Variants in STK38 observed in about 807,000 individuals in gnomAD.
The protein encoded by STK38 is serine/threonine-protein kinase 38.
STK38 carries 26 observed loss-of-function variants against 59.0 expected under a neutral mutation model. The ratio of observed to expected loss-of-function variants is 0.44; its 90% CI spans 0.32 to 0.61. The LOEUF is 0.61. Ranked by LOEUF, STK38 falls within the 20% of genes least tolerant of loss-of-function variation. STK38 has a pLI of 0.04. For synonymous variants in STK38, 175 were observed against 176.6 expected (o/e 0.99, Z 0.07); for missense variants, 433 against 566.0 (o/e 0.76, Z 2.38).
At position 36,523,265 on chromosome 6, in the gene STK38, GT is replaced by G. The variant is rs1214353764; in HGVS notation, c.306+1075del. Among the ~76,000 whole-genome samples the G allele has an allele frequency of 2.4e-3, 273 of 113,634 alleles. 3 individuals carry two copies. Among genetic ancestry groups the G allele is most frequent in the Admixed American group, 1.6e-3 (19 of 11,564 alleles). 74.5% of individuals were successfully genotyped at this position (113,634 alleles called of 152,430 possible). The stretch of plus-strand genomic sequence containing the variant: ...ATTTCCCCGGGGTACCAGGTTTTTT[GT>G]TTTTTTTTTTTTTTGAGATGGAGTC... On this transcript the variant is annotated intron_variant, in intron 4 of 13. Coordinates refer to ENST00000229812, the MANE Select transcript of STK38 (RefSeq NM_007271.4).
intron 6 of STK38, among the ~76,000 whole-genome samples, chr6:36,516,232 C>T (rs1777248328): frequency 6.6e-6 from 1 of 152,124 alleles, no homozygotes; most frequent in Non-Finnish European, 1.5e-5. Context: ...TAAAAGGTAA[C>T]CTCGTTAGTT....
At chr6:36,508,476 G>C (rs547629538) in intron 7 of STK38, among the ~76,000 whole-genome samples, 3 of 152,296 alleles carry the variant, frequency 2.0e-5, no homozygotes, top group African/African-American at 7.2e-5. Context: ...TGTTCATATA[G>C]CTTTTCCTCC....
At chr6:36,538,488 C>T (rs1777851193) in intron 2 of STK38, among the ~76,000 whole-genome samples, 1 of 152,092 alleles carries the variant, frequency 6.6e-6, no homozygotes, top group African/African-American at 2.4e-5. Context: ...TTGTGCATTC[C>T]ATTGTATATA....
intron 2 of STK38, among the ~76,000 whole-genome samples, chr6:36,528,317 T>C (rs765086731): frequency 2.0e-5 from 3 of 152,174 alleles, no homozygotes; most frequent in Admixed American, 6.5e-5. Context: ...TCTGATGGAC[T>C]GGCAGGGAAA....
chr6:36,513,673 C>A (rs369802226), intron 7 of STK38, among the ~76,000 whole-genome samples: 113 of 151,702 alleles, frequency 7.4e-4, no homozygotes, highest in Middle Eastern at 6.8e-3. Context: ...CACTCTCTAG[C>A]CTTTGATGTC....
intron 1 of STK38, among the ~76,000 whole-genome samples, chr6:36,541,892 A>C (rs1364972933): frequency 1.3e-5 from 2 of 150,068 alleles, no homozygotes; most frequent in African/African-American, 2.5e-5. Context: ...ACAATGATTC[A>C]ATCTCAGCTC....
intron 2 of STK38, among the ~76,000 whole-genome samples, chr6:36,531,238 T>C (rs558945951): frequency 7.8e-4 from 119 of 152,170 alleles, no homozygotes; most frequent in Non-Finnish European, 1.5e-3. Flanking sequence ...CTAAGAGGAG[T>C]TGCAGAACAT....
intron 9 of STK38, among the ~76,000 whole-genome samples, chr6:36,503,209 G>A (rs1235574968): frequency 6.6e-6 from 1 of 151,864 alleles, no homozygotes; most frequent in Admixed American, 6.6e-5. Flanking sequence ...ATTTCTTTAC[G>A]TCTTTTGATA....
intron 12 of STK38, 55 bp from the exon 13 acceptor site, chr6:36,496,860 C>T: frequency 7.7e-7 from 1 of 1,297,454 alleles, no homozygotes. Context: ...ATGGATCATA[C>T]CAATCAAGTC....
At chr6:36,533,313 T>G (rs1777714345) in intron 2 of STK38, among the ~76,000 whole-genome samples, 1 of 152,106 alleles carries the variant, frequency 6.6e-6, no homozygotes, top group African/African-American at 2.4e-5. Flanking sequence ...ACACGTGGCT[T>G]ACTGTTCTTT....
At chr6:36,513,254 G>A (rs973198733) in intron 7 of STK38, among the ~76,000 whole-genome samples, 11 of 151,282 alleles carry the variant, frequency 7.3e-5, no homozygotes, top group Admixed American at 5.9e-4. Flanking sequence ...TCCTGACCTC[G>A]TGATCCACCC....
intron 9 of STK38, among the ~76,000 whole-genome samples, chr6:36,502,730 C>T (rs1394346463): frequency 6.6e-6 from 1 of 152,168 alleles, no homozygotes; most frequent in Non-Finnish European, 1.5e-5. Context: ...TACTCCTCCT[C>T]GTCTCTCCTG....
At chr6:36,504,608 A>G (rs1409741031) in intron 9 of STK38, among the ~76,000 whole-genome samples, 1 of 152,182 alleles carries the variant, frequency 6.6e-6, no homozygotes, top group Non-Finnish European at 1.5e-5. Flanking sequence ...TTTCTACTGT[A>G]TATAGTATAA....
At chr6:36,532,531 T>C (rs1759425252) in intron 2 of STK38, among the ~76,000 whole-genome samples, 1 of 151,848 alleles carries the variant, frequency 6.6e-6, no homozygotes, top group African/African-American at 2.4e-5. Flanking sequence ...ATCCCAGCAC[T>C]TTGGGAGGCC....
chr6:36,546,118 A>G (rs1020680558), intron 1 of STK38, among the ~76,000 whole-genome samples: 4 of 152,180 alleles, frequency 2.6e-5, no homozygotes, highest in Non-Finnish European at 4.4e-5. Context: ...ATCCTACTAA[A>G]CTGTAATCTC....
intron 4 of STK38, 27 bp from the exon 5 acceptor site, chr6:36,521,844 G>A (rs754232087): frequency 8.2e-6 from 13 of 1,585,368 alleles, no homozygotes; most frequent in South Asian, 1.1e-5. Context: ...GAAATGCCAA[G>A]TCAAAAACTC....
chr6:36,539,215 G>A (rs1035893897), intron 2 of STK38, among the ~76,000 whole-genome samples: 4 of 151,554 alleles, frequency 2.6e-5, no homozygotes, highest in East Asian at 2.0e-4. Context: ...GTGAAACCCC[G>A]TCTCTGCTAA....
chr6:36,514,944 C>G (rs1019160441), intron 7 of STK38, among the ~76,000 whole-genome samples: 2 of 151,386 alleles, frequency 1.3e-5, no homozygotes, highest in African/African-American at 4.9e-5. Flanking sequence ...CTTGTTGTTA[C>G]TGCATTTCCT....
Position 36,524,499 on chromosome 6 carries a change from G to A in STK38, c.184-36C>T, listed in dbSNP as rs1486521825. 6 of 1,568,496 alleles carry A rather than the reference G, an allele frequency of 3.8e-6. No homozygotes were observed. In the African/African-American group the frequency reaches 6.9e-5, roughly 18 times the overall value. ...AATAAAAAAGGGAGGAGACGGGAAG[G>A]AACTGAAATTCTGAAACTCTGTAAC... On this transcript the variant is annotated intron_variant, in intron 3 of 13. Transcript: ENST00000229812.
Sources: allele counts gnomAD v4.1 joint callset (sites outside exome capture counted in the v4.1 genomes callset), GRCh38; gene constraint gnomAD v4.1.1; transcripts MANE v1.5; gene names NCBI Gene and HGNC (gene_info 2026-07-23, HGNC 2026-07-21).